Variants in SEMA4G observed in about 807,000 individuals in gnomAD.
SEMA4G encodes semaphorin-4G.
Under a neutral mutation model 81.2 loss-of-function variants are expected in SEMA4G, and 59 were observed. The ratio of observed to expected loss-of-function variants is 0.73; its 90% confidence interval spans 0.59 to 0.90. The LOEUF (loss-of-function observed/expected upper bound fraction) is 0.90. Among genes scored for constraint, SEMA4G ranks in the 40% least tolerant of loss-of-function variants. The pLI is 0.00. For synonymous variants in SEMA4G, 404 were observed against 433.9 expected (o/e 0.93, Z 0.86); for missense variants, 952 against 1,102.3 (o/e 0.86, Z 1.93).
chr10:100,978,204 T>C (rs1850884740), intron 4 of SEMA4G, 91 bp from the exon 6 acceptor site: 1 of 874,388 alleles, frequency 1.1e-6, no homozygotes, highest in Admixed American at 2.2e-5. Flanking sequence ...CTATCCCTGA[T>C]CGCTGATCCC....
At chr10:100,977,205 G>A (rs1850836367) in intron 3 of SEMA4G, among the ~76,000 whole-genome samples, 1 of 152,170 alleles carries the variant, frequency 6.6e-6, no homozygotes, top group Non-Finnish European at 1.5e-5. Flanking sequence ...GGGATATCGG[G>A]TGGAGAGCAA....
downstream of SEMA4G, chr10:100,984,926 G>A: frequency 6.9e-7 from 1 of 1,444,900 alleles, no homozygotes; most frequent in Middle Eastern, 1.8e-4. Context: ...CCATCCCCAT[G>A]CACATGTGGT....
intron 13 of SEMA4G, among the ~76,000 whole-genome samples, chr10:100,982,320 T>C (rs763563034): frequency 1.2e-4 from 19 of 152,210 alleles, no homozygotes; most frequent in Non-Finnish European, 2.6e-4. Context: ...CGAAAAGCAA[T>C]AGGAAACCTC....
At chr10:100,979,793 G>T (rs1030308587) in intron 8 of SEMA4G, 55 bp from the exon 10 acceptor site, 3 of 1,598,978 alleles carry the variant, frequency 1.9e-6, no homozygotes, top group African/African-American at 2.7e-5. Flanking sequence ...GCACGAGTTG[G>T]GGGGCAGGCT....
chr10:100,982,331 T>C (rs1851132208), intron 13 of SEMA4G, among the ~76,000 whole-genome samples: 1 of 152,194 alleles, frequency 6.6e-6, no homozygotes, highest in African/African-American at 2.4e-5. Context: ...AGGAAACCTC[T>C]GAAGAGTTTT....
chr10:100,969,990 G>C (rs1589976209), upstream of SEMA4G: 1 of 428,860 alleles, frequency 2.3e-6, no homozygotes, highest in Non-Finnish European at 4.9e-6. Context: ...GGTCCCGGGG[G>C]AGGGGCTCTC....
intron 4 of SEMA4G, chr10:100,978,064 A>C: frequency 1.7e-6 from 1 of 580,470 alleles, no homozygotes; most frequent in South Asian, 2.0e-5. Context: ...TTCATAGATA[A>C]GGAGTGAATC....
At position 100,973,181 on chromosome 10, in the gene SEMA4G, G is replaced by A; in HGVS notation, c.177G>A (p.Leu59=). 3.1e-6 allele frequency: 5 copies of A among 1,613,828 alleles called. No individual in the cohort carries two copies. The highest frequency in any genetic ancestry group is 3.4e-6 in the Non-Finnish European group (4 of 1,180,022). Reference sequence around the variant, plus strand: ...GCCAAGCCCAGAACTACTCAACACTGCTGCTGGAGGAGGCCTCAGCAAGGC... The same window carrying A: ...GCCAAGCCCAGAACTACTCAACACTACTGCTGGAGGAGGCCTCAGCAAGGC... Residue 59 remains leucine (L), a synonymous_variant, in exon 2 of 14, where the codon CTG becomes CTA. Coordinates refer to ENST00000370250, the Ensembl canonical transcript of SEMA4G. This position sits in a 1 kb window ranked among gnomAD's most constrained non-coding sequence, Gnocchi z 5.5.
exon 4 of SEMA4G, chr10:100,977,712 G>T: frequency 1.2e-6 from 2 of 1,613,898 alleles, no homozygotes; most frequent in Non-Finnish European, 1.7e-6. Context: ...ACGCCTTCCA[G>T]CCCCTCTGTG....
chr10:100,978,636 CAATG>C lies in SEMA4G; in HGVS notation c.640_643del (p.Asn214MetfsTer74). ...CTGAGGAGACACCAATGCATTGGCT[CAATG>C]GTTAGGAGGATGAGGCACAGGATGA... On this transcript the variant is annotated frameshift_variant and splice_region_variant, in exon 6 of 14. Coordinates refer to ENST00000370250, the Ensembl canonical transcript of SEMA4G. LOFTEE classifies it high-confidence loss of function. 1 of 1,613,314 alleles carries C rather than the reference CAATG, an allele frequency of 6.2e-7. No individual in the cohort carries two copies. Among genetic ancestry groups the C allele is most frequent in the Non-Finnish European group, 8.5e-7 (1 of 1,179,314 alleles).
exon 14 of SEMA4G, chr10:100,983,339 C>A: frequency 6.3e-7 from 1 of 1,587,202 alleles, no homozygotes; most frequent in Non-Finnish European, 8.6e-7. Context: ...GCTCTGTGCT[C>A]CGGGGTGATG....
rs756576170 is a variant in SEMA4G at position 100,980,946 on chromosome 10, C to A, written c.1592C>A (p.Thr531Asn). 168 of 1,609,272 alleles carry A rather than the reference C, an allele frequency of 1.0e-4. No homozygotes were observed. Among genetic ancestry groups the A allele is most frequent in the Non-Finnish European group, 1.4e-4 (166 of 1,178,516 alleles). The stretch of plus-strand genomic sequence containing the variant: ...CCCTACTGTGGCTGGGACCCTGGCA[C>A]CCATGCCTGCGCAGCAGCCACCACC... The change falls in exon 12 of 14, where the codon ACC becomes AAC. Residue 531 changes from threonine to asparagine, a missense_variant. Transcript: ENST00000370250.
exon 8 of SEMA4G, chr10:100,979,237 C>T (rs766701174): frequency 9.9e-6 from 16 of 1,614,126 alleles, no homozygotes; most frequent in Admixed American, 3.3e-5. Flanking sequence ...AAGCCGTACA[C>T]ACTTCTATGC....
At chr10:100,974,058 A>C (rs1217537698) in intron 3 of SEMA4G, among the ~76,000 whole-genome samples, 1 of 151,826 alleles carries the variant, frequency 6.6e-6, no homozygotes, top group Non-Finnish European at 1.5e-5. Context: ...TTACAGATGT[A>C]AGCCATTGCC....
chr10:100,970,334 G>C (rs558014296), upstream of SEMA4G, among the ~76,000 whole-genome samples: 2 of 152,018 alleles, frequency 1.3e-5, no homozygotes, highest in South Asian at 2.1e-4. Context: ...CAGGTTAAGT[G>C]GGGGCTGAGA....
At chr10:100,983,898 G>GCGC in exon 14 of SEMA4G, 2 of 1,523,104 alleles carry the variant, frequency 1.3e-6, no homozygotes, top group Non-Finnish European at 1.8e-6. Flanking sequence ...TGGGGAGGGA[G>GCGC]CCCCAGCCCC....
At chr10:100,977,087 TTGGA>T in intron 3 of SEMA4G, among the ~76,000 whole-genome samples, 1 of 151,996 alleles carries the variant, frequency 6.6e-6, no homozygotes, top group South Asian at 2.1e-4. Flanking sequence ...GAGTCGTAGG[TTGGA>T]TGAAGTGAGG....
chr10:100,970,093 T>C (rs930463905), upstream of SEMA4G, among the ~76,000 whole-genome samples: 10 of 152,158 alleles, frequency 6.6e-5, no homozygotes, highest in African/African-American at 2.4e-4. Flanking sequence ...GAGAGCCTGC[T>C]GATCCTCCAT....
intron 5 of SEMA4G, 50 bp downstream of exon 6, chr10:100,978,438 A>T (rs1021617959): frequency 3.1e-6 from 5 of 1,600,486 alleles, no homozygotes; most frequent in Admixed American, 1.7e-5. Context: ...TAGGATGTGG[A>T]TCTCATCTCT....
Sources: gnomAD v4.1 joint callset for allele counts (sites outside exome capture counted in the v4.1 genomes callset) on GRCh38, gnomAD v4.1.1 for gene constraint, Gnocchi (gnomAD v3.1) non-coding constraint, MANE v1.5 for transcripts, NCBI Gene and HGNC (gene_info 2026-07-23, HGNC 2026-07-21) for gene names.